The following UBA7 variants were observed in gnomAD, a reference collection of about 807,000 sequenced individuals.
UBA7 encodes the protein ubiquitin like modifier activating enzyme 7, also known as ubiquitin-like modifier-activating enzyme 7.
A neutral mutation model predicts 113.0 loss-of-function variants in UBA7; 88 were observed. That is an observed-to-expected ratio of 0.78 (90% CI 0.66 to 0.93). UBA7 has a LOEUF of 0.93. Ranked by LOEUF, UBA7 falls within the 40% of genes least tolerant of loss-of-function variation. UBA7 has a pLI of 0.00. For missense variants in UBA7, 1,092 were observed against 1,266.4 expected (o/e 0.86, Z 2.09); for synonymous variants, 459 against 513.0 (o/e 0.89, Z 1.42).
rs1372926573 is a variant in UBA7, at chr3:49,807,264, C to A, written c.2715+472G>T. On this transcript the variant is annotated intron_variant, in intron 21 of 23. Coordinates refer to ENST00000333486, the MANE Select transcript of UBA7 (RefSeq NM_003335.3). This position sits in a 1 kb window ranked among gnomAD's most constrained non-coding sequence, Gnocchi z 4.0. ...GATGCCCAGACCCCAGTTGCACTCA[C>A]AACTGTGACACAAATACACTCAGGG... is the stretch of plus-strand genomic sequence containing the variant. 6.6e-6 allele frequency among the ~76,000 whole-genome samples: 1 copy of A among 152,228 alleles called. No individual in the cohort carries two copies. Among genetic ancestry groups the A allele is most frequent in the Non-Finnish European group, 1.5e-5 (1 of 68,030 alleles).
intron 22 of UBA7, 27 bp from the exon 23 acceptor site, chr3:49,806,024 T>C (rs1277702121): frequency 1.3e-6 from 2 of 1,567,748 alleles, no homozygotes; most frequent in Non-Finnish European, 8.6e-7. Flanking sequence ...AGACACCAGC[T>C]GGGCCGGGCT....
rs997450654 is a variant in UBA7, at chr3:49,805,400, G to A, written c.2947C>T (p.Pro983Ser). 1.2e-6 allele frequency: 2 copies of A among 1,613,660 alleles called. No homozygotes were observed. The highest frequency in any genetic ancestry group is 1.7e-6 in the Non-Finnish European group (2 of 1,179,948). ...ELVQQLTGQA[P>S]APGQRVLVLE... is the part of the protein sequence containing the mutation. ...ACCAACACCCGCTGCCCAGGAGCAG[G>A]TGCCTGGCCTGTCAGCTGCTGAACC... Residue 983 changes from proline (P) to serine (S), a missense_variant, in exon 24 of 24, where the codon CCT (proline) becomes TCT (serine). Pro to Ser is a moderately conservative substitution (Grantham distance 74). Transcript: ENST00000333486.
chr3:49,813,001 G>A, intron 4 of UBA7, 61 bp downstream of exon 4: 2 of 1,564,964 alleles, frequency 1.3e-6, no homozygotes, highest in Non-Finnish European at 1.7e-6. Flanking sequence ...CTGGAGCTGA[G>A]GACAGCATGA....
At chr3:49,812,280 C>T in intron 6 of UBA7, 74 bp from the exon 7 acceptor site, 4 of 1,611,460 alleles carry the variant, frequency 2.5e-6, no homozygotes, top group Non-Finnish European at 3.4e-6. Flanking sequence ...TATCTTGCAT[C>T]TGTGTCCCAG....
rs952742360 is a variant in UBA7 at position 49,807,910 on chromosome 3, G to T, written c.2541C>A (p.Gly847=). Residue 847 remains glycine, a synonymous_variant, in exon 21 of 24, where the codon GGC becomes GGA. Transcript: ENST00000333486. This position sits in a 1 kb window ranked among gnomAD's most constrained non-coding sequence, Gnocchi z 4.0. The part of the protein sequence containing the change: ...VNRAQSKRIV[G]QIIPAIATTT... Reference sequence around the variant, plus strand: ...TGGTGGCAATGGCTGGGATAATCTGGCCCACAATTCGCTTGCTCTGCCAAG... The same window carrying T: ...TGGTGGCAATGGCTGGGATAATCTGTCCCACAATTCGCTTGCTCTGCCAAG... 6.2e-7 allele frequency: 1 copy of T among 1,612,386 alleles called. No individual in the cohort carries two copies. Among genetic ancestry groups the T allele is most frequent in the African/African-American group, 1.3e-5 (1 of 75,014 alleles).
At chr3:49,812,616 C>CAGCA in intron 5 of UBA7, 32 bp downstream of exon 5, 1 of 1,614,214 alleles carries the variant, frequency 6.2e-7, no homozygotes, top group South Asian at 1.1e-5. Context: ...TCTCCTTGGT[C>CAGCA]AGCAGGTGAA....
chr3:49,809,703 T>C lies in UBA7; in HGVS notation c.1927A>G (p.Met643Val). ...HQQAHTSLADMDEPQTLTLLK... is the reference protein window; with the variant it reads ...HQQAHTSLADVDEPQTLTLLK... ...AAGGTGAGTGTCTGTGGCTCATCCA[T>C]GTCTGCCAGGGAAGTGTGTGCCCTG... Residue 643 changes from methionine (M) to valine (V), a missense_variant, in exon 16 of 24, where the codon ATG becomes GTG. Coordinates refer to ENST00000333486, the MANE Select transcript of UBA7 (RefSeq NM_003335.3). The C allele has an allele frequency of 6.2e-7, 1 of 1,614,076 alleles. No homozygotes were observed. Among genetic ancestry groups the C allele is most frequent in the Non-Finnish European group, 8.5e-7 (1 of 1,180,010 alleles).
rs779220839 is a variant in UBA7, at chr3:49,809,409, A to G, written c.2144T>C (p.Leu715Ser). The change falls in exon 17 of 24, where the codon TTG becomes TCG. Residue 715 changes from leucine (L) to serine (S), a missense_variant. Physicochemically the swap from Leu to Ser is moderately radical, Grantham distance 145. Coordinates refer to ENST00000333486, the MANE Select transcript of UBA7 (RefSeq NM_003335.3). ...ACTCACTTGGTTGGTGTCAAACTCCAAGGGCTGGGGACACTGTTTGGGACC... is the reference window on the plus strand; with the variant it reads ...ACTCACTTGGTTGGTGTCAAACTCCGAGGGCTGGGGACACTGTTTGGGACC... Reference protein sequence around the residue: ...WSGPKQCPQPLEFDTNQDTHL... With the variant: ...WSGPKQCPQPSEFDTNQDTHL... 1 of 1,614,108 alleles carries G rather than the reference A, an allele frequency of 6.2e-7. No individual in the cohort carries two copies. Among genetic ancestry groups the G allele is most frequent in the South Asian group, 1.1e-5 (1 of 91,086 alleles).
At position 49,810,945 on chromosome 3, in the gene UBA7, A is replaced by C; in HGVS notation, c.1230+39T>G. 1 of 1,612,620 alleles carries C rather than the reference A, an allele frequency of 6.2e-7. No homozygotes were observed. The highest frequency in any genetic ancestry group is 8.5e-7 in the Non-Finnish European group (1 of 1,178,774). ...TCCTCATGCTTCTCCCCTAGTCCTG[A>C]TTTTGGACAAGGCTTGCACCCCTAT... On this transcript the variant is annotated intron_variant, in intron 10 of 23. Transcript: ENST00000333486. This position sits in a 1 kb window ranked among gnomAD's most constrained non-coding sequence, Gnocchi z 5.6.
rs200271308 is a variant in UBA7 at position 49,809,011 on chromosome 3, C to T, written c.2312G>A (p.Ser771Asn). 2.5e-6 allele frequency: 4 copies of T among 1,613,870 alleles called. No individual in the cohort carries two copies. Among genetic ancestry groups the T allele is most frequent in the Admixed American group, 3.3e-5 (2 of 60,008 alleles). The change falls in exon 18 of 24, where the codon AGT (serine) becomes AAT (asparagine). Residue 771 changes from serine to asparagine, a missense_variant. Around this residue, in one of 3 missense-constraint regions of UBA7, gnomAD observed 500 missense variants for 529.3 expected, o/e 0.94. Coordinates refer to ENST00000333486, the MANE Select transcript of UBA7 (RefSeq NM_003335.3). ...AGAAGCCGAAGCCAGCTCTAGATTA[C>T]TAGCAAAGATGGGGGCCATCTGTTG... ...DPQQMAPIFASNLELASASAE... is the reference protein window; with the variant it reads ...DPQQMAPIFANNLELASASAE...
rs369409748 is a variant in UBA7, at chr3:49,813,138, C to T, written c.391G>A (p.Glu131Lys). 789 of 1,614,182 alleles carry T rather than the reference C, an allele frequency of 4.9e-4. 1 individual carries two copies. The highest frequency in any genetic ancestry group is 6.4e-4 in the Non-Finnish European group (760 of 1,180,016). Reference sequence around the variant, plus strand: ...CACAAGGTGCCCACCTTCAGCTGCTCCTCCAGCTTTGCAGCAGTCAGCACC... The same window carrying T: ...CACAAGGTGCCCACCTTCAGCTGCTTCTCCAGCTTTGCAGCAGTCAGCACC... Reference protein sequence around the residue: ...VVVLTAAKLEEQLKVGTLCHK... With the variant: ...VVVLTAAKLEKQLKVGTLCHK... The change falls in exon 4 of 24, where the codon GAG (glutamate) becomes AAG (lysine). Residue 131 changes from glutamate to lysine, a missense_variant. Around this residue, in one of 3 missense-constraint regions of UBA7, gnomAD observed 584 missense variants for 714.5 expected, o/e 0.82. Transcript: ENST00000333486.
rs2081475712 is a variant in UBA7, at chr3:49,807,698, G to A, written c.2715+38C>T. 1.3e-6 allele frequency: 2 copies of A among 1,565,354 alleles called. No homozygotes were observed. Among genetic ancestry groups the A allele is most frequent in the Non-Finnish European group, 1.7e-6 (2 of 1,155,280 alleles). The stretch of plus-strand genomic sequence containing the variant: ...TATGGGCAGGTGCAGGGGAAACCCA[G>A]GCCTAGTAGGGCTAAGGGTGGGGTA... On this transcript the variant is annotated intron_variant, in intron 21 of 23. Transcript: ENST00000333486. This position sits in a 1 kb window ranked among gnomAD's most constrained non-coding sequence, Gnocchi z 4.0.
chr3:49,809,764 G>C (rs1267156837), intron 15 of UBA7, 39 bp from the exon 16 acceptor site: 1 of 1,613,980 alleles, frequency 6.2e-7, no homozygotes, highest in Non-Finnish European at 8.5e-7. Context: ...GAGTCCTGCA[G>C]ACTCATGCTT....
At position 49,810,742 on chromosome 3, in the gene UBA7, C is replaced by A; in HGVS notation, c.1311+10G>T. On this transcript the variant is annotated intron_variant, in intron 11 of 23. Coordinates refer to ENST00000333486, the MANE Select transcript of UBA7 (RefSeq NM_003335.3). The surrounding 1 kb of genome is among the most constrained non-coding windows in gnomAD (Gnocchi z 5.6). The stretch of plus-strand genomic sequence containing the variant: ...CCCAAAGGCACCCCCAGTCTCACCC[C>A]ACAGCTCACCAGGAGGTAGTGCTGG... The A allele has an allele frequency of 6.2e-7, 1 of 1,614,142 alleles. No individual in the cohort carries two copies. The highest frequency in any genetic ancestry group is 8.5e-7 in the Non-Finnish European group (1 of 1,180,010).
chr3:49,813,406 C>T, intron 2 of UBA7, 23 bp from the exon 3 acceptor site: 2 of 1,611,316 alleles, frequency 1.2e-6, no homozygotes, highest in Non-Finnish European at 8.5e-7. Context: ...CCAGTGCAGC[C>T]TGAGCAAAGA....
chr3:49,811,287 G>C lies in UBA7; in HGVS notation c.1108C>G (p.Gln370Glu). 1 of 1,614,064 alleles carries C rather than the reference G, an allele frequency of 6.2e-7. No individual in the cohort carries two copies. Among genetic ancestry groups the C allele is most frequent in the Non-Finnish European group, 8.5e-7 (1 of 1,180,008 alleles). Residue 370 changes from glutamine to glutamate, a missense_variant, in exon 9 of 24, where the codon CAG (glutamine) becomes GAG (glutamate). By Grantham distance (29) the Gln-to-Glu change is conservative (BLOSUM62 2). Transcript: ENST00000333486. ...MVAMLGAVAA[Q>E]EVLKAISRKF... Reference sequence around the variant, plus strand: ...CCTCTGCCCACCTTCAGCACTTCCTGGGCAGCTACTGCACCCAGCATGGCC... The same window carrying C: ...CCTCTGCCCACCTTCAGCACTTCCTCGGCAGCTACTGCACCCAGCATGGCC...
rs761721832 is a variant in UBA7 at position 49,807,767 on chromosome 3, C to T, written c.2684G>A (p.Arg895His). Reference sequence around the variant, plus strand: ...GATGGCTGGGGCAAAAGGCATATAGCGGATGAGGTAGTTTTCAGCCAGATG... The same window carrying T: ...GATGGCTGGGGCAAAAGGCATATAGTGGATGAGGTAGTTTTCAGCCAGATG... ...YLHLAENYLI[R>H]YMPFAPAIQT... Residue 895 changes from arginine to histidine, a missense_variant, in exon 21 of 24, where the codon CGC (arginine) becomes CAC (histidine). Around this residue, in one of 3 missense-constraint regions of UBA7, gnomAD observed 500 missense variants for 529.3 expected, o/e 0.94. Transcript: ENST00000333486. This position sits in a 1 kb window ranked among gnomAD's most constrained non-coding sequence, Gnocchi z 4.0. The T allele has an allele frequency of 6.3e-5, 101 of 1,612,478 alleles. No individual in the cohort carries two copies. The highest frequency in any genetic ancestry group is 6.9e-5 in the Non-Finnish European group (81 of 1,179,366).
chr3:49,810,730 C>G lies in UBA7; in HGVS notation c.1311+22G>C, dbSNP rs973147624. 5 of 1,614,042 alleles carry G rather than the reference C, an allele frequency of 3.1e-6. No individual in the cohort carries two copies. The African/African-American group carries it at 6.7e-5, about 22-fold the overall frequency. On this transcript the variant is annotated intron_variant, in intron 11 of 23. Transcript: ENST00000333486. This position sits in a 1 kb window ranked among gnomAD's most constrained non-coding sequence, Gnocchi z 5.6. Reference sequence around the variant, plus strand: ...TGGGCTGGCTCTCCCAAAGGCACCCCCAGTCTCACCCCACAGCTCACCAGG... The same window carrying G: ...TGGGCTGGCTCTCCCAAAGGCACCCGCAGTCTCACCCCACAGCTCACCAGG...
rs954597185 is a variant in UBA7 at position 49,807,141 on chromosome 3, A to G, written c.2715+595T>C. On this transcript the variant is annotated intron_variant, in intron 21 of 23. Coordinates refer to ENST00000333486, the MANE Select transcript of UBA7 (RefSeq NM_003335.3). The surrounding 1 kb of genome is among the most constrained non-coding windows in gnomAD (Gnocchi z 4.0). ...CACATGTGTGCCCACATGCATCTCC[A>G]TGCATGCCCACATTGAGGACACAGG... Among the ~76,000 whole-genome samples the G allele has an allele frequency of 6.6e-6, 1 of 152,128 alleles. No individual in the cohort carries two copies. Among genetic ancestry groups the G allele is most frequent in the Non-Finnish European group, 1.5e-5 (1 of 67,998 alleles).
Sources: allele counts gnomAD v4.1 joint callset (sites outside exome capture counted in the v4.1 genomes callset), GRCh38; gene constraint gnomAD v4.1.1; regional missense constraint gnomAD v4.1.1; non-coding constraint Gnocchi (gnomAD v3.1); transcripts MANE v1.5; gene names NCBI Gene and HGNC (gene_info 2026-07-23, HGNC 2026-07-21).